The following VRK2 variants were observed in gnomAD, a reference collection of about 807,000 sequenced individuals.
The protein encoded by VRK2 is VRK serine/threonine kinase 2.
A neutral mutation model predicts 57.6 loss-of-function variants in VRK2; 60 were observed. The ratio of observed to expected loss-of-function variants is 1.04; its 90% confidence interval spans 0.85 to 1.29. VRK2 has a LOEUF of 1.29. Among genes scored for constraint, VRK2 ranks in the 50% most tolerant of loss-of-function variants. The probability of loss-of-function intolerance (pLI) is 0.00; values close to 1 mark genes in which losing one functional copy is unlikely to be tolerated. For missense variants in VRK2, 705 were observed against 588.1 expected (o/e 1.20, Z -2.06); for synonymous variants, 231 against 199.2 (o/e 1.16, Z -1.35).
intron 11 of VRK2, among the ~76,000 whole-genome samples, chr2:58,144,532 A>C (rs1681828078): frequency 1.3e-5 from 2 of 152,014 alleles, no homozygotes. Context: ...TATCTCAATA[A>C]AGCTGGGAGG....
intron 1 of VRK2, among the ~76,000 whole-genome samples, chr2:57,991,071 A>C (rs975986219): frequency 5.3e-5 from 8 of 151,820 alleles, no homozygotes; most frequent in African/African-American, 1.5e-4. Flanking sequence ...CAAAAAAAAA[A>C]CTTTAATCTA....
At chr2:58,110,941 C>G (rs1184213141) in intron 7 of VRK2, among the ~76,000 whole-genome samples, 1 of 152,120 alleles carries the variant, frequency 6.6e-6, no homozygotes, top group Non-Finnish European at 1.5e-5. Context: ...AGAGTGTGGC[C>G]TTGGTGCACA....
chr2:57,930,017 C>T (rs1670667168), intron 1 of VRK2, among the ~76,000 whole-genome samples: 1 of 152,056 alleles, frequency 6.6e-6, no homozygotes, highest in Non-Finnish European at 1.5e-5. Context: ...GTGAGCTGCA[C>T]CACCTGGGGC....
chr2:57,961,502 T>C (rs1305703368), intron 1 of VRK2, among the ~76,000 whole-genome samples: 2 of 152,126 alleles, frequency 1.3e-5, no homozygotes, highest in African/African-American at 4.8e-5. Context: ...GAAATGTAGA[T>C]TTGGGTTTTA....
intron 1 of VRK2, among the ~76,000 whole-genome samples, chr2:57,930,826 A>T (rs1437880551): frequency 6.6e-6 from 1 of 152,272 alleles, no homozygotes; most frequent in South Asian, 2.1e-4. Flanking sequence ...TACCACATAT[A>T]AGAGATATCA....
chr2:58,051,674 T>C (rs956086258), intron 2 of VRK2, among the ~76,000 whole-genome samples: 12 of 152,242 alleles, frequency 7.9e-5, no homozygotes, highest in Admixed American at 4.6e-4. Context: ...AGAAACTAGC[T>C]GCTCTGTCTA....
At chr2:57,936,274 C>T (rs1198883778) in intron 1 of VRK2, among the ~76,000 whole-genome samples, 1 of 152,188 alleles carries the variant, frequency 6.6e-6, no homozygotes, top group Non-Finnish European at 1.5e-5. Flanking sequence ...CCAGACCAGT[C>T]ATTTATTTAA....
intron 1 of VRK2, among the ~76,000 whole-genome samples, chr2:58,021,611 ATC>A (rs774610436): frequency 6.6e-6 from 1 of 152,124 alleles, no homozygotes; most frequent in African/African-American, 2.4e-5. Context: ...CCATATAGAC[ATC>A]TGTTAATATT....
intron 1 of VRK2, among the ~76,000 whole-genome samples, chr2:58,005,663 G>A (rs1673219873): frequency 1.3e-5 from 2 of 152,160 alleles, no homozygotes; most frequent in African/African-American, 4.8e-5. Flanking sequence ...GAATTATTGA[G>A]AGGGTCAGTA....
At position 58,080,096 on chromosome 2, in the gene VRK2, C is replaced by A. The variant is rs569940469; in HGVS notation, c.137-3993C>A. ...ACATCTGAATAAAGCAAAAATATTTCTTTATTTGTGGAGTTTACATTCTAG... is the reference window on the plus strand; with the variant it reads ...ACATCTGAATAAAGCAAAAATATTTATTTATTTGTGGAGTTTACATTCTAG... On this transcript the variant is annotated intron_variant, in intron 2 of 12. Coordinates refer to ENST00000340157, the MANE Select transcript of VRK2 (RefSeq NM_006296.7). 2.0e-5 allele frequency among the ~76,000 whole-genome samples: 3 copies of A among 151,908 alleles called. No individual in the cohort carries two copies. In the South Asian group the frequency reaches 6.2e-4, roughly 32 times the overall value.
chr2:57,926,429 A>C (rs1670534474), intron 1 of VRK2, among the ~76,000 whole-genome samples: 1 of 102,862 alleles, frequency 9.7e-6, no homozygotes, highest in Non-Finnish European at 2.0e-5. Context: ...ATATATATAT[A>C]CATATATATA....
intron 2 of VRK2, among the ~76,000 whole-genome samples, chr2:58,073,664 A>G (rs1215203722): frequency 6.8e-6 from 1 of 146,716 alleles, no homozygotes; most frequent in Non-Finnish European, 1.5e-5. Flanking sequence ...TTATATTTAT[A>G]TTTATATTTA....
In VRK2 at chr2:58,159,555, C is replaced by CTT; in HGVS notation, c.1390_1391dup (p.Leu464PhefsTer2). 3 of 1,613,818 alleles carry CTT rather than the reference C, an allele frequency of 1.9e-6. No homozygotes were observed. The highest frequency in any genetic ancestry group is 2.5e-6 in the Non-Finnish European group (3 of 1,179,812). ...CCACAGTCAGCACGGGGATCACAGACTTAGAAAGTTCAACTGGACTTTGGC... is the reference window on the plus strand; with the variant it reads ...CCACAGTCAGCACGGGGATCACAGACTTTTAGAAAGTTCAACTGGACTTTGGC... On this transcript the variant is annotated frameshift_variant, in exon 13 of 13. Transcript: ENST00000340157. LOFTEE classifies it low-confidence loss of function (END_TRUNC).
intron 7 of VRK2, among the ~76,000 whole-genome samples, chr2:58,102,766 A>G (rs1674178840): frequency 6.6e-6 from 1 of 151,692 alleles, no homozygotes; most frequent in African/African-American, 2.4e-5. Flanking sequence ...AGATATTCCA[A>G]GAGCTGCAGA....
chr2:58,140,865 T>C (rs951469608), intron 11 of VRK2, among the ~76,000 whole-genome samples: 7 of 152,082 alleles, frequency 4.6e-5, no homozygotes, highest in Non-Finnish European at 1.0e-4. Flanking sequence ...TAGGCCTGCA[T>C]AGTAATCATT....
At position 58,131,827 on chromosome 2, in the gene VRK2, C is replaced by G. The variant is rs777534671; in HGVS notation, c.696C>G (p.Asp232Glu). ...HKGVALSRRS[D>E]VEILGYCMLR... ...CTATAGCCTTGTCCAGACGAAGTGA[C>G]GTTGAGATCCTCGGCTACTGCATGC... The change falls in exon 9 of 13, where the codon GAC becomes GAG. Residue 232 changes from aspartate to glutamate, a missense_variant. Transcript: ENST00000340157. 5.0e-5 allele frequency: 81 copies of G among 1,612,836 alleles called. No homozygotes were observed. Among genetic ancestry groups the G allele is most frequent in the Non-Finnish European group, 6.6e-5 (78 of 1,179,538 alleles).
intron 1 of VRK2, among the ~76,000 whole-genome samples, chr2:57,992,828 G>T (rs572419927): frequency 7.2e-4 from 109 of 152,278 alleles, no homozygotes; most frequent in Non-Finnish European, 8.7e-4. Flanking sequence ...GAGCCACCGC[G>T]CCCGGCCAGT....
chr2:58,013,644 G>T (rs1673479701), intron 1 of VRK2, among the ~76,000 whole-genome samples: 1 of 151,976 alleles, frequency 6.6e-6, no homozygotes, highest in Non-Finnish European at 1.5e-5. Flanking sequence ...GGCCGAGGCG[G>T]GCGGATCACG....
At chr2:58,137,131 A>C (rs1406751868) in intron 10 of VRK2, among the ~76,000 whole-genome samples, 1 of 40,906 alleles carries the variant, frequency 2.4e-5, no homozygotes, top group Non-Finnish European at 5.3e-5. Context: ...ATGTGTATAT[A>C]TCATATATCA....
Sources: gnomAD v4.1 joint callset for allele counts (sites outside exome capture counted in the v4.1 genomes callset) on GRCh38, gnomAD v4.1.1 for gene constraint, MANE v1.5 for transcripts, NCBI Gene and HGNC (gene_info 2026-07-23, HGNC 2026-07-21) for gene names.